The following MCTP2 variants were observed in gnomAD, a reference collection of about 807,000 sequenced individuals.
The protein encoded by MCTP2 is multiple C2 and transmembrane domain containing 2.
MCTP2 carries 132 observed loss-of-function variants against 111.6 expected under a neutral mutation model. That is an observed-to-expected ratio of 1.18 (90% CI 1.03 to 1.37). The LOEUF (loss-of-function observed/expected upper bound fraction) is 1.37. Among genes scored for constraint, MCTP2 ranks in the 40% most tolerant of loss-of-function variants. The pLI is 0.00. For missense variants in MCTP2, 1,183 were observed against 1,067.9 expected (o/e 1.11, Z -1.50); for synonymous variants, 395 against 387.7 (o/e 1.02, Z -0.22).
At chr15:94,281,427 C>A (rs2074481692) in intron 1 of MCTP2, among the ~76,000 whole-genome samples, 2 of 152,128 alleles carry the variant, frequency 1.3e-5, no homozygotes, top group Admixed American at 1.3e-4. Flanking sequence ...TTCTCAATCC[C>A]TTTACTTTGA....
intron 21 of MCTP2, among the ~76,000 whole-genome samples, chr15:94,474,948 A>G (rs2074236092): frequency 6.6e-6 from 1 of 151,950 alleles, no homozygotes; most frequent in African/African-American, 2.4e-5. Flanking sequence ...CAGGTTTATA[A>G]TCTTCTCAGT....
At chr15:94,311,032 T>A (rs953482239) in intron 2 of MCTP2, among the ~76,000 whole-genome samples, 5 of 150,304 alleles carry the variant, frequency 3.3e-5, no homozygotes, top group Admixed American at 2.6e-4. Flanking sequence ...TTTTTTTTTT[T>A]TTTTATTTTT....
chr15:94,350,670 G>A (rs757951739), intron 8 of MCTP2, among the ~76,000 whole-genome samples: 5 of 152,168 alleles, frequency 3.3e-5, no homozygotes, highest in Non-Finnish European at 7.3e-5. Context: ...CCCAGCCCTC[G>A]GTAGGGTTGC....
At chr15:94,327,266 G>C (rs1428577537) in intron 4 of MCTP2, among the ~76,000 whole-genome samples, 1 of 151,848 alleles carries the variant, frequency 6.6e-6, no homozygotes, top group African/African-American at 2.4e-5. Context: ...TTAGTTTCTG[G>C]CCCAGAGTAG....
intron 19 of MCTP2, among the ~76,000 whole-genome samples, chr15:94,452,940 G>C (rs1184145216): frequency 1.4e-5 from 2 of 147,414 alleles, no homozygotes; most frequent in Admixed American, 1.3e-4. Flanking sequence ...GTGGAAACAC[G>C]TGAAAAAACT....
At chr15:94,316,573 C>T (rs1235121253) in intron 4 of MCTP2, among the ~76,000 whole-genome samples, 2 of 152,188 alleles carry the variant, frequency 1.3e-5, no homozygotes, top group South Asian at 2.1e-4. Flanking sequence ...GGGAAGATGG[C>T]AGGCATTAAC....
chr15:94,391,154 A>C (rs564218802), intron 14 of MCTP2, among the ~76,000 whole-genome samples: 4 of 152,194 alleles, frequency 2.6e-5, no homozygotes, highest in African/African-American at 9.6e-5. Flanking sequence ...GTTCTCGGTG[A>C]ATCCATGTAC....
chr15:94,463,878 T>C (rs1238394875), intron 20 of MCTP2, among the ~76,000 whole-genome samples: 2 of 152,146 alleles, frequency 1.3e-5, no homozygotes, highest in Non-Finnish European at 2.9e-5. Flanking sequence ...CGAATTATTT[T>C]GATTGGTTTT....
chr15:94,257,569 GTTTTTTTTTTTTTTTTTTTTT>G (rs760633548), intron 1 of MCTP2, among the ~76,000 whole-genome samples: 4 of 33,820 alleles, frequency 1.2e-4, no homozygotes, highest in Non-Finnish European at 1.6e-4. Flanking sequence ...TTTCTTTGTT[GTTTTTTTTTTTTTTTTTTTTT>G]TTTTTTTTTT....
chr15:94,356,618 A>G (rs2078641442), intron 9 of MCTP2, among the ~76,000 whole-genome samples: 1 of 152,188 alleles, frequency 6.6e-6, no homozygotes, highest in Admixed American at 6.6e-5. Context: ...AGGATAAGTA[A>G]AAGTTTTCAA....
At chr15:94,469,994 GT>G (rs1329253288) in intron 20 of MCTP2, among the ~76,000 whole-genome samples, 1 of 152,146 alleles carries the variant, frequency 6.6e-6, no homozygotes, top group Non-Finnish European at 1.5e-5. Context: ...CTAACCCTTA[GT>G]TTTGAAGATC....
At chr15:94,450,521 CT>C (rs2084379293) in intron 19 of MCTP2, among the ~76,000 whole-genome samples, 1 of 152,104 alleles carries the variant, frequency 6.6e-6, no homozygotes, top group Non-Finnish European at 1.5e-5. Context: ...AGATGCTAAG[CT>C]TTTTTTCATG....
chr15:94,254,766 T>A (rs1001188227), intron 1 of MCTP2, among the ~76,000 whole-genome samples: 1 of 152,224 alleles, frequency 6.6e-6, no homozygotes, highest in Non-Finnish European at 1.5e-5. Flanking sequence ...TTAAATTTTA[T>A]ACTTGTCCTT....
chr15:94,410,104 A>G (rs1402782951), intron 17 of MCTP2, among the ~76,000 whole-genome samples: 2 of 152,190 alleles, frequency 1.3e-5, no homozygotes, highest in Admixed American at 6.5e-5. Context: ...TTTTAAAAAC[A>G]TGGAATGGGT....
chr15:94,303,893 T>G (rs1019225900), intron 2 of MCTP2, among the ~76,000 whole-genome samples: 1 of 152,108 alleles, frequency 6.6e-6, no homozygotes, highest in Non-Finnish European at 1.5e-5. Flanking sequence ...AGCACTAACC[T>G]CAGTCTGTTC....
chr15:94,268,573 C>T (rs2073729242), intron 1 of MCTP2, among the ~76,000 whole-genome samples: 2 of 152,048 alleles, frequency 1.3e-5, no homozygotes, highest in African/African-American at 2.4e-5. Context: ...TGTTTTCTCC[C>T]TTGGCTGGCT....
intron 19 of MCTP2, among the ~76,000 whole-genome samples, chr15:94,453,363 A>AAAAC (rs1421316944): frequency 6.6e-6 from 1 of 152,194 alleles, no homozygotes; most frequent in Non-Finnish European, 1.5e-5. Flanking sequence ...GGTCCATAAT[A>AAAAC]AAACAAACTG....
rs1413047370 is a variant in MCTP2 at position 94,270,555 on chromosome 15, C to A, written c.-65-27646C>A. Among the ~76,000 whole-genome samples the A allele has an allele frequency of 2.6e-5, 4 of 151,974 alleles. No homozygotes were observed. The South Asian group carries it at 8.3e-4, about 32-fold the overall frequency. On this transcript the variant is annotated intron_variant, in intron 1 of 22. Transcript: ENST00000357742. ...CCTTTGAGGTCATCTCCTGGTGGTC[C>A]CCCTCTCTGGCTCTCTTCCAACCAC... is the stretch of plus-strand genomic sequence containing the variant.
At chr15:94,402,631 G>T in intron 17 of MCTP2, 1 of 1,546,544 alleles carries the variant, frequency 6.5e-7, no homozygotes, top group South Asian at 1.2e-5. Context: ...GAGAGCCCAA[G>T]AATCTTGGAA....
Sources: allele counts gnomAD v4.1 joint callset (sites outside exome capture counted in the v4.1 genomes callset), GRCh38; gene constraint gnomAD v4.1.1; transcripts MANE v1.5; gene names NCBI Gene and HGNC (gene_info 2026-07-23, HGNC 2026-07-21).